Variants in ANGEL1 observed in about 807,000 individuals in gnomAD.
ANGEL1 encodes the protein RNA 2',3'-cyclic phosphatase ANGEL1.
In ANGEL1, 62 loss-of-function variants were observed where a neutral mutation model predicts 76.4. The ratio of observed to expected loss-of-function variants is 0.81; its 90% CI spans 0.66 to 1.00. The LOEUF (loss-of-function observed/expected upper bound fraction) is 1.00. Ranked by LOEUF, ANGEL1 falls within the 50% of genes least tolerant of loss-of-function variation. The pLI is 0.00. For synonymous variants in ANGEL1, 340 were observed against 331.7 expected (o/e 1.03, Z -0.27); for missense variants, 737 against 836.7 (o/e 0.88, Z 1.47).
chr14:76,805,414 T>C (rs986287871), intron 5 of ANGEL1, among the ~76,000 whole-genome samples: 5 of 152,240 alleles, frequency 3.3e-5, no homozygotes, highest in Non-Finnish European at 7.3e-5. Context: ...GGCAAGATCA[T>C]GCCTTTCTCT....
chr14:76,809,668 G>C (rs770841346), intron 1 of ANGEL1, 25 bp from the exon 2 acceptor site: 3 of 1,584,202 alleles, frequency 1.9e-6, no homozygotes, highest in Non-Finnish European at 2.6e-6. Context: ...AAAATACCAG[G>C]TTATAAGACT....
At chr14:76,797,784 C>T (rs1172793973) in intron 7 of ANGEL1, among the ~76,000 whole-genome samples, 1 of 152,244 alleles carries the variant, frequency 6.6e-6, no homozygotes, top group African/African-American at 2.4e-5. Flanking sequence ...AAATTGTGCA[C>T]ATGGTTTGCT....
At chr14:76,791,158 A>G in intron 8 of ANGEL1, 139 bp downstream of exon 8, 1 of 950,112 alleles carries the variant, frequency 1.1e-6, no homozygotes, top group Non-Finnish European at 1.7e-6. Context: ...AACCCTCTAT[A>G]AGTTTAGCAG....
Position 76,812,785 on chromosome 14 carries a change from G to A in ANGEL1, c.43C>T (p.Arg15Cys). Reference sequence around the variant, plus strand: ...GTACCTGAGAGGGCGCGGAAGAGGCGCGTGGCCGGCAGCAGCAGGTAACAC... The same window carrying A: ...GTACCTGAGAGGGCGCGGAAGAGGCACGTGGCCGGCAGCAGCAGGTAACAC... ...CLCYLLLPAT[R>C]LFRALSDAFF... is the part of the protein sequence containing the mutation. The change falls in exon 1 of 10, where the codon CGC (arginine) becomes TGC (cysteine). Residue 15 changes from arginine to cysteine, a missense_variant. This residue lies in a region of ANGEL1 where 441 missense variants were observed against 449.5 expected (regional missense o/e 0.98). Transcript: ENST00000251089. The A allele has an allele frequency of 6.6e-7, 1 of 1,522,140 alleles. No homozygotes were observed. The allele number at this position is 1,522,140 out of a possible 1,614,324, so 94.3% of individuals were successfully genotyped here. A position where few individuals can be genotyped will look rare whatever the true frequency, so the allele number is the denominator to read the frequency against.
chr14:76,803,005 T>G (rs1418109414), intron 7 of ANGEL1, among the ~76,000 whole-genome samples: 3 of 152,284 alleles, frequency 2.0e-5, no homozygotes, highest in African/African-American at 4.8e-5. Flanking sequence ...TAGGAACAAC[T>G]TTTATTAAAA....
chr14:76,790,585 A>T (rs1340085993), intron 9 of ANGEL1, 26 bp downstream of exon 9: 1 of 1,586,228 alleles, frequency 6.3e-7, no homozygotes, highest in Non-Finnish European at 8.6e-7. Context: ...CTGGGGGTGG[A>T]GGAACCCAGG....
chr14:76,803,843 A>T lies in ANGEL1; in HGVS notation c.1450T>A (p.Ser484Thr), dbSNP rs777094357. ...TGACAGCAATCAGTGATGCCCAGGG[A>T]GCTGGGCCACAGTGGGGCCTGCAGC... ...RKLQAPLWPS[S>T]LGITDCCQYV... The change falls in exon 6 of 10, where the codon TCC (serine) becomes ACC (threonine). Residue 484 changes from serine (S) to threonine (T), a missense_variant. Around this residue, in one of 2 missense-constraint regions of ANGEL1, gnomAD observed 296 missense variants for 387.2 expected, o/e 0.76. Coordinates refer to ENST00000251089, the MANE Select transcript of ANGEL1 (RefSeq NM_015305.4). 12 of 1,614,196 alleles carry T rather than the reference A, an allele frequency of 7.4e-6. No homozygotes were observed. The Admixed American group carries it at 1.2e-4, about 16-fold the overall frequency.
At chr14:76,804,173 A>C in intron 5 of ANGEL1, 1 of 1,419,486 alleles carries the variant, frequency 7.0e-7, no homozygotes, top group Non-Finnish European at 9.1e-7. Flanking sequence ...AATAGTATGA[A>C]CATGTGGTTC....
At chr14:76,790,285 G>C (rs115351826) in intron 9 of ANGEL1, among the ~76,000 whole-genome samples, 38 of 152,248 alleles carry the variant, frequency 2.5e-4, no homozygotes, top group African/African-American at 9.1e-4. Context: ...AGAAAATAAG[G>C]TCTCTTACCT....
chr14:76,797,063 A>C (rs571951880), intron 7 of ANGEL1, among the ~76,000 whole-genome samples: 1 of 152,102 alleles, frequency 6.6e-6, no homozygotes, highest in African/African-American at 2.4e-5. Flanking sequence ...GCTTCCACCT[A>C]CTCTGCTCCA....
intron 7 of ANGEL1, among the ~76,000 whole-genome samples, chr14:76,800,490 A>G (rs1158310960): frequency 6.6e-6 from 1 of 152,224 alleles, no homozygotes; most frequent in African/African-American, 2.4e-5. Context: ...AAATTCTTAC[A>G]AGAAGAGAAT....
At position 76,807,485 on chromosome 14, in the gene ANGEL1, T is replaced by C. The variant is rs776529500; in HGVS notation, c.894A>G (p.Glu298=). ...GCTCCCAGTAATGATCTTCCTGGAC[T>C]TCCTGGAGACACAGGATCTGGGAAA... ...HWDPDILCLQ[E]VQEDHYWEQL... is the part of the protein sequence containing the mutation. Residue 298 remains glutamate (E), a synonymous_variant, in exon 4 of 10, where the codon GAA becomes GAG. Transcript: ENST00000251089. 2.7e-5 allele frequency: 44 copies of C among 1,613,524 alleles called. No individual in the cohort carries two copies. The highest frequency in any genetic ancestry group is 3.6e-5 in the Non-Finnish European group (42 of 1,179,872).
rs1270868680 is a variant in ANGEL1 at position 76,809,489 on chromosome 14, G to C, written c.219C>G (p.Leu73=). ...QWREEGLSQV[L]STASEGPLID... ...TAAGGGGCCCCTCACTTGCAGTTGA[G>C]AGCACCTGGCTCAACCCTTCTTCTC... Residue 73 remains leucine (L), a synonymous_variant, in exon 2 of 10, where the codon CTC becomes CTG. Transcript: ENST00000251089. 2 of 1,614,108 alleles carry C rather than the reference G, an allele frequency of 1.2e-6. No individual in the cohort carries two copies. The highest frequency in any genetic ancestry group is 2.2e-5 in the South Asian group (2 of 91,080).
At chr14:76,808,174 A>G in intron 2 of ANGEL1, 26 bp from the exon 3 acceptor site, 3 of 1,598,666 alleles carry the variant, frequency 1.9e-6, no homozygotes, top group South Asian at 1.1e-5. Context: ...AGAAGCACTC[A>G]ATGGCAAGTA....
At chr14:76,798,996 A>G (rs1226129974) in intron 7 of ANGEL1, among the ~76,000 whole-genome samples, 2 of 151,920 alleles carry the variant, frequency 1.3e-5, no homozygotes, top group African/African-American at 2.4e-5. Context: ...AAGAATCACA[A>G]TGTATTTTAT....
rs944072012 is a variant in ANGEL1, at chr14:76,809,716, A to G, written c.65-73T>C. On this transcript the variant is annotated intron_variant, in intron 1 of 9. Coordinates refer to ENST00000251089, the MANE Select transcript of ANGEL1 (RefSeq NM_015305.4). ...ACACTATTCTCCCAGCTAAAACATAAGCCCAATAAAAGCAAGACCCATATC... is the reference window on the plus strand; with the variant it reads ...ACACTATTCTCCCAGCTAAAACATAGGCCCAATAAAAGCAAGACCCATATC... 9 of 1,348,350 alleles carry G rather than the reference A, an allele frequency of 6.7e-6. No homozygotes were observed. The African/African-American group carries it at 1.0e-4, about 15-fold the overall frequency. The allele number at this position is 1,348,350 out of a possible 1,614,324, so 83.5% of individuals were successfully genotyped here. A position where few individuals can be genotyped will look rare whatever the true frequency, so the allele number is the denominator to read the frequency against.
intron 5 of ANGEL1, chr14:76,804,156 G>C: frequency 7.0e-7 from 1 of 1,427,490 alleles, no homozygotes; most frequent in Middle Eastern, 2.6e-4. Flanking sequence ...TGAATCAAGG[G>C]GAATCGAATA....
chr14:76,811,959 T>C (rs1426216941), intron 1 of ANGEL1, among the ~76,000 whole-genome samples: 2 of 152,246 alleles, frequency 1.3e-5, no homozygotes, highest in Admixed American at 6.5e-5. Flanking sequence ...CCCTCATTCC[T>C]AAGTACTTCT....
At chr14:76,796,926 C>CCA (rs59003912) in intron 7 of ANGEL1, among the ~76,000 whole-genome samples, 8,077 of 150,938 alleles carry the variant, frequency 0.054, 235 homozygotes, top group Non-Finnish European at 0.062. Context: ...TTACAATATG[C>CCA]CACACACACA....
Sources: allele counts gnomAD v4.1 joint callset (sites outside exome capture counted in the v4.1 genomes callset), GRCh38; gene constraint gnomAD v4.1.1; regional missense constraint gnomAD v4.1.1; transcripts MANE v1.5; gene names NCBI Gene and HGNC (gene_info 2026-07-23, HGNC 2026-07-21).